ANK3: variants seen among roughly 807,000 people sequenced by gnomAD.
The protein encoded by ANK3 is ankyrin-3.
ANK3 carries 57 observed loss-of-function variants against 370.9 expected under a neutral mutation model. The ratio of observed to expected loss-of-function variants is 0.15; its 90% CI spans 0.12 to 0.19. ANK3 has a LOEUF of 0.19. Among genes scored for constraint, ANK3 ranks in the 10% least tolerant of loss-of-function variants. ANK3 has a pLI of 1.00. For missense variants in ANK3, 4,439 were observed against 5,302.1 expected (o/e 0.84, Z 5.06); for synonymous variants, 1,929 against 1,946.3 (o/e 0.99, Z 0.23).
At chr10:60,090,100 C>T (rs527255352) in intron 28 of ANK3, among the ~76,000 whole-genome samples, 6 of 151,986 alleles carry the variant, frequency 3.9e-5, no homozygotes, top group African/African-American at 9.6e-5. Flanking sequence ...AGGCAGATTA[C>T]GAGGTCAGGA....
At chr10:60,076,834 A>G (rs1403160435) in intron 36 of ANK3, among the ~76,000 whole-genome samples, 4 of 152,176 alleles carry the variant, frequency 2.6e-5, no homozygotes, top group African/African-American at 9.6e-5. Flanking sequence ...TGGTTTTGAA[A>G]TATCAGTAGC....
intron 2 of ANK3, among the ~76,000 whole-genome samples, chr10:60,568,253 T>C (rs1040269711): frequency 6.6e-6 from 1 of 152,164 alleles, no homozygotes; most frequent in Non-Finnish European, 1.5e-5. Flanking sequence ...ACTGTTGTCT[T>C]ATTTTAAGGA....
At chr10:60,127,965 G>A (rs932892242) in intron 25 of ANK3, among the ~76,000 whole-genome samples, 2 of 151,960 alleles carry the variant, frequency 1.3e-5, no homozygotes, top group Non-Finnish European at 2.9e-5. Flanking sequence ...CCAAAGTGCT[G>A]GAATTACAGA....
intron 1 of ANK3, among the ~76,000 whole-genome samples, chr10:60,663,743 A>G (rs1029073211): frequency 5.3e-5 from 8 of 152,238 alleles, no homozygotes; most frequent in Non-Finnish European, 1.0e-4. Context: ...TAATTCTTTC[A>G]TCTTTAGTAG....
At chr10:60,060,103 G>T in intron 40 of ANK3, 1 of 887,090 alleles carries the variant, frequency 1.1e-6, no homozygotes, top group Non-Finnish European at 1.6e-6. Flanking sequence ...CATGAAAAAT[G>T]TATGATGAAT....
intron 23 of ANK3, among the ~76,000 whole-genome samples, chr10:60,157,765 G>GA (rs1052414285): frequency 6.7e-5 from 10 of 150,172 alleles, no homozygotes; most frequent in African/African-American, 2.5e-4. Context: ...AGTCACAGCA[G>GA]AAAAAACAAA....
intron 2 of ANK3, among the ~76,000 whole-genome samples, chr10:60,530,807 G>A (rs1394933691): frequency 6.6e-6 from 1 of 152,114 alleles, no homozygotes; most frequent in Non-Finnish European, 1.5e-5. Context: ...GCTGTTTTGT[G>A]TGGTGGATGT....
At chr10:60,199,663 G>A (rs2096643049) in intron 13 of ANK3, among the ~76,000 whole-genome samples, 1 of 151,740 alleles carries the variant, frequency 6.6e-6, no homozygotes, top group Non-Finnish European at 1.5e-5. Flanking sequence ...TGAAATACGA[G>A]GCCAATTCTG....
intron 23 of ANK3, 22 bp downstream of exon 23, chr10:60,166,569 C>A: frequency 6.2e-7 from 1 of 1,600,440 alleles, no homozygotes; most frequent in South Asian, 1.1e-5. Context: ...TAAGTTTCAT[C>A]ACAATAAAAA....
chr10:60,052,939 C>T (rs1382019163), intron 42 of ANK3, among the ~76,000 whole-genome samples: 1 of 151,966 alleles, frequency 6.6e-6, no homozygotes, highest in African/African-American at 2.4e-5. Flanking sequence ...TTTTCATCAA[C>T]AGTAAACTTG....
At chr10:60,610,224 C>T (rs1457749615) in intron 2 of ANK3, among the ~76,000 whole-genome samples, 1 of 152,076 alleles carries the variant, frequency 6.6e-6, no homozygotes, top group African/African-American at 2.4e-5. Flanking sequence ...GCAAGGAGGG[C>T]CCCTTTTGTA....
At chr10:60,693,850 C>A (rs931478126) in intron 1 of ANK3, among the ~76,000 whole-genome samples, 2 of 152,142 alleles carry the variant, frequency 1.3e-5, no homozygotes, top group Non-Finnish European at 1.5e-5. Flanking sequence ...ACCTCTCCTC[C>A]TCCAAAGGAA....
At chr10:60,033,252 C>T (rs1247756563) in intron 43 of ANK3, among the ~76,000 whole-genome samples, 1 of 151,934 alleles carries the variant, frequency 6.6e-6, no homozygotes, top group African/African-American at 2.4e-5. Context: ...GTAATCCCAG[C>T]ACTTTGGGAG....
At chr10:60,328,924 G>C (rs1451673364) in intron 1 of ANK3, among the ~76,000 whole-genome samples, 3 of 152,148 alleles carry the variant, frequency 2.0e-5, no homozygotes, top group South Asian at 2.1e-4. Flanking sequence ...ACACCAAAAA[G>C]CTTATCCACC....
intron 2 of ANK3, among the ~76,000 whole-genome samples, chr10:60,480,313 C>T (rs2133099512): frequency 6.6e-6 from 1 of 152,224 alleles, no homozygotes; most frequent in East Asian, 1.9e-4. Flanking sequence ...ATGTTTAAAG[C>T]CATGGGCACA....
chr10:60,103,198 C>T (rs1037112319), intron 28 of ANK3, among the ~76,000 whole-genome samples: 1 of 152,134 alleles, frequency 6.6e-6, no homozygotes, highest in African/African-American at 2.4e-5. Flanking sequence ...GATCCACTTG[C>T]CTCGGCCTCC....
At position 60,072,141 on chromosome 10, in the gene ANK3, A is replaced by G; in HGVS notation, c.8740T>C (p.Ser2914Pro). 3 of 1,613,940 alleles carry G rather than the reference A, an allele frequency of 1.9e-6. No homozygotes were observed. The highest frequency in any genetic ancestry group is 1.7e-5 in the Admixed American group (1 of 59,994). Residue 2914 changes from serine (S) to proline (P), a missense_variant, in exon 37 of 44, where the codon TCA (serine) becomes CCA (proline). Physicochemically the swap from Ser to Pro is moderately conservative, Grantham distance 74 (BLOSUM62 -1). This residue lies in a region of ANK3 where 1,601 missense variants were observed against 1,731.7 expected (regional missense o/e 0.92). Transcript: ENST00000280772. ...TTTACAGTCATTTCTTTAATTTCTGAGAGAGAGCCGTTTGTTAACAATTTG... is the reference window on the plus strand; with the variant it reads ...TTTACAGTCATTTCTTTAATTTCTGGGAGAGAGCCGTTTGTTAACAATTTG... ...ERKLLTNGSL[S>P]EIKEMTVKSP...
chr10:60,465,492 T>G (rs2064989257), intron 2 of ANK3, among the ~76,000 whole-genome samples: 1 of 152,152 alleles, frequency 6.6e-6, no homozygotes, highest in African/African-American at 2.4e-5. Flanking sequence ...CATGTCTGTA[T>G]CCATAGGGCA....
chr10:60,185,054 C>T (rs1473068239), intron 17 of ANK3, among the ~76,000 whole-genome samples: 1 of 152,098 alleles, frequency 6.6e-6, no homozygotes, highest in African/African-American at 2.4e-5. Flanking sequence ...AAAGATCAAA[C>T]AAATCTTAAC....
Sources: gnomAD v4.1 joint callset for allele counts (sites outside exome capture counted in the v4.1 genomes callset) on GRCh38, gnomAD v4.1.1 for gene constraint, gnomAD v4.1.1 regional missense constraint, MANE v1.5 for transcripts, NCBI Gene and HGNC (gene_info 2026-07-23, HGNC 2026-07-21) for gene names.